CD109: variants seen among roughly 807,000 people sequenced by gnomAD.
CD109 encodes CD109 antigen.
CD109 carries 149 observed loss-of-function variants against 165.8 expected under a neutral mutation model. That is an observed-to-expected ratio of 0.90 (90% CI 0.79 to 1.03). The LOEUF is 1.03. Among genes scored for constraint, CD109 ranks in the 50% least tolerant of loss-of-function variants. The pLI is 0.00. For synonymous variants in CD109, 585 were observed against 592.1 expected, an observed-to-expected ratio of 0.99 and a Z score of 0.18; for missense variants, 1,712 against 1,677.8, an observed-to-expected ratio of 1.02 and a Z score of -0.36.
At chr6:73,701,399 G>C (rs144937146) in intron 2 of CD109, among the ~76,000 whole-genome samples, 34 of 152,312 alleles carry the variant, frequency 2.2e-4, no homozygotes, top group Non-Finnish European at 4.3e-4. Flanking sequence ...CCAGAGGAAA[G>C]AAGATGGCAC....
chr6:73,687,352 C>T, the CD109 span, among the ~76,000 whole-genome samples: 1 of 152,046 alleles, frequency 6.6e-6, no homozygotes, highest in African/African-American at 2.4e-5. Context: ...TTCCTCCCTT[C>T]AGTCTTTCTT....
In CD109 at chr6:73,820,531, C is replaced by T; in HGVS notation, c.4130C>T (p.Ala1377Val). Residue 1377 changes from alanine to valine, a missense_variant, in exon 32 of 33, where the codon GCT (alanine) becomes GTT (valine). Coordinates refer to ENST00000287097, the MANE Select transcript of CD109 (RefSeq NM_133493.5). Reference sequence around the variant, plus strand: ...TTTAAAGTTTCAAATACCCAAGATGCTTCAGTGTCCATAGTGGATTACTAT... The same window carrying T: ...TTTAAAGTTTCAAATACCCAAGATGTTTCAGTGTCCATAGTGGATTACTAT... ...RNFKVSNTQDASVSIVDYYEP... is the reference protein window; with the variant it reads ...RNFKVSNTQDVSVSIVDYYEP... 6.2e-7 allele frequency: 1 copy of T among 1,610,012 alleles called. No homozygotes were observed. Among genetic ancestry groups the T allele is most frequent in the East Asian group, 2.2e-5 (1 of 44,812 alleles).
chr6:73,719,385 A>AT (rs1043835224), intron 2 of CD109, among the ~76,000 whole-genome samples: 12 of 152,298 alleles, frequency 7.9e-5, no homozygotes, highest in African/African-American at 2.6e-4. Context: ...TATTGCCATT[A>AT]TTTTTGTGAT....
chr6:73,752,964 T>C (rs911546886), intron 5 of CD109, among the ~76,000 whole-genome samples: 1 of 152,208 alleles, frequency 6.6e-6, no homozygotes, highest in Non-Finnish European at 1.5e-5. Flanking sequence ...TCCATGTTTT[T>C]AGTAAAGTTT....
intron 29 of CD109, among the ~76,000 whole-genome samples, chr6:73,814,275 G>C (rs1363281754): frequency 6.6e-6 from 1 of 152,042 alleles, no homozygotes; most frequent in Non-Finnish European, 1.5e-5. Context: ...TATAAAAAAG[G>C]GGATGAGGTA....
At chr6:73,795,903 T>G (rs1293716998) in intron 23 of CD109, among the ~76,000 whole-genome samples, 1 of 152,188 alleles carries the variant, frequency 6.6e-6, no homozygotes, top group Non-Finnish European at 1.5e-5. Context: ...TAGGGTTGTT[T>G]TGAGGAGTCA....
chr6:73,685,607 G>T, the CD109 span, among the ~76,000 whole-genome samples: 9,635 of 152,116 alleles, frequency 0.063, 513 homozygotes, highest in Admixed American at 0.17. Flanking sequence ...TTGGTCACAT[G>T]AATAAGTTCT....
At chr6:73,747,944 A>G (rs1268600967) in intron 5 of CD109, among the ~76,000 whole-genome samples, 1 of 150,048 alleles carries the variant, frequency 6.7e-6, no homozygotes, top group Non-Finnish European at 1.5e-5. Context: ...ATCTCAGCTC[A>G]CTGCAACCTC....
At chr6:73,791,508 G>A (rs1053296487) in intron 22 of CD109, among the ~76,000 whole-genome samples, 1 of 151,678 alleles carries the variant, frequency 6.6e-6, no homozygotes, top group Non-Finnish European at 1.5e-5. Context: ...GAAGGAGCCT[G>A]GCTTTTTAAA....
At position 73,818,370 on chromosome 6, in the gene CD109, C is replaced by A; in HGVS notation, c.3912-18C>A. On this transcript the variant is annotated intron_variant, in intron 30 of 32. Coordinates refer to ENST00000287097, the MANE Select transcript of CD109 (RefSeq NM_133493.5). Reference sequence around the variant, plus strand: ...TTTTTCCTGAGGAGTTTTCATTCATCCTCCCTCTTTGATTTAGCTTTTCGG... The same window carrying A: ...TTTTTCCTGAGGAGTTTTCATTCATACTCCCTCTTTGATTTAGCTTTTCGG... The A allele has an allele frequency of 6.2e-7, 1 of 1,613,200 alleles. No homozygotes were observed. Among genetic ancestry groups the A allele is most frequent in the Non-Finnish European group, 8.5e-7 (1 of 1,179,662 alleles).
At chr6:73,766,611 GAAAATCC>G (rs1276782899) in intron 11 of CD109, 141 bp from the exon 12 acceptor site, 4 of 586,812 alleles carry the variant, frequency 6.8e-6, no homozygotes, top group Non-Finnish European at 9.0e-6. Flanking sequence ...ATAAAATGAT[GAAAATCC>G]AATGTCTGGT....
At chr6:73,818,871 G>C (rs1776025734) in intron 31 of CD109, among the ~76,000 whole-genome samples, 1 of 152,144 alleles carries the variant, frequency 6.6e-6, no homozygotes, top group Non-Finnish European at 1.5e-5. Context: ...TCAGGGAGTT[G>C]CCTAGGCTGG....
intron 5 of CD109, among the ~76,000 whole-genome samples, chr6:73,741,284 T>G (rs931948022): frequency 4.6e-5 from 7 of 152,198 alleles, no homozygotes; most frequent in African/African-American, 1.4e-4. Context: ...CTTTGGGGAT[T>G]GTACTTCTTC....
chr6:73,710,195 A>G (rs1330726404), intron 2 of CD109, among the ~76,000 whole-genome samples: 2 of 152,200 alleles, frequency 1.3e-5, no homozygotes, highest in Admixed American at 1.3e-4. Context: ...AGAAAACCCC[A>G]TTGTCTCAGC....
At chr6:73,710,967 T>C (rs1771516556) in intron 2 of CD109, among the ~76,000 whole-genome samples, 1 of 152,214 alleles carries the variant, frequency 6.6e-6, no homozygotes, top group South Asian at 2.1e-4. Context: ...GTTCATATAA[T>C]TTTTACTTAT....
intron 2 of CD109, 80 bp from the exon 3 acceptor site, chr6:73,723,171 G>A (rs1321171797): frequency 6.2e-7 from 1 of 1,602,750 alleles, no homozygotes; most frequent in African/African-American, 1.3e-5. Context: ...TAAGAGTATT[G>A]GGAGAGTTTT....
chr6:73,747,348 A>G (rs1283539053), intron 5 of CD109, among the ~76,000 whole-genome samples: 1 of 152,198 alleles, frequency 6.6e-6, no homozygotes, highest in Non-Finnish European at 1.5e-5. Flanking sequence ...CTAAAAAAAA[A>G]TGTCTGATCT....
rs775860207 is a variant in CD109, at chr6:73,795,579, GT to G, written c.2878+2779del. On this transcript the variant is annotated intron_variant, in intron 23 of 32. Transcript: ENST00000287097. ...CTGAGATCCCTCCTCACATCTGTTG[GT>G]TGTTAGAAGGTACAGTGGCCAGAGT... 7.9e-5 allele frequency among the ~76,000 whole-genome samples: 12 copies of G among 152,308 alleles called. No individual in the cohort carries two copies. The East Asian group carries it at 1.5e-3, about 20-fold the overall frequency.
chr6:73,708,006 A>T (rs887857524), intron 2 of CD109, among the ~76,000 whole-genome samples: 23 of 111,848 alleles, frequency 2.1e-4, no homozygotes, highest in African/African-American at 6.1e-4. Context: ...ATATATATAT[A>T]TATTTATTAT....
Sources: allele counts gnomAD v4.1 joint callset (sites outside exome capture counted in the v4.1 genomes callset), GRCh38; gene constraint gnomAD v4.1.1; transcripts MANE v1.5; gene names NCBI Gene and HGNC (gene_info 2026-07-23, HGNC 2026-07-21).